CGNL1: variants seen among roughly 807,000 people sequenced by gnomAD.
CGNL1 encodes cingulin like 1.
CGNL1 carries 132 observed loss-of-function variants against 141.2 expected under a neutral mutation model. The observed-to-expected ratio is 0.93, with a 90% CI of 0.81 to 1.08. CGNL1 has a LOEUF of 1.08. CGNL1 is among the 50% of genes least tolerant of loss of function. The pLI, the probability that CGNL1 is intolerant of heterozygous loss-of-function variation, is 0.00. For missense variants in CGNL1, 1,870 were observed against 1,588.6 expected (o/e 1.18, Z -3.01); for synonymous variants, 690 against 622.1 (o/e 1.11, Z -1.63).
chr15:57,517,352 A>G (rs993531479), intron 9 of CGNL1, among the ~76,000 whole-genome samples: 3 of 152,022 alleles, frequency 2.0e-5, no homozygotes, highest in Non-Finnish European at 2.9e-5. Context: ...TTTTTAACTC[A>G]TTGTTGATGT....
At chr15:57,524,207 T>C (rs1323184923) in intron 11 of CGNL1, among the ~76,000 whole-genome samples, 1 of 152,256 alleles carries the variant, frequency 6.6e-6, no homozygotes, top group African/African-American at 2.4e-5. Flanking sequence ...GATAAAATTT[T>C]ATCTGTATCT....
At chr15:57,463,550 C>T (rs1020260192) in intron 8 of CGNL1, among the ~76,000 whole-genome samples, 6 of 152,190 alleles carry the variant, frequency 3.9e-5, no homozygotes, top group South Asian at 2.1e-4. Flanking sequence ...CAAAGGGGTT[C>T]GCCTTAGTAC....
At chr15:57,507,116 C>T (rs1462693631) in intron 8 of CGNL1, among the ~76,000 whole-genome samples, 3 of 152,192 alleles carry the variant, frequency 2.0e-5, no homozygotes, top group Non-Finnish European at 4.4e-5. Context: ...CACTAGTCTA[C>T]TTTCTGTCTG....
chr15:57,542,364 T>G (rs898140796), intron 14 of CGNL1, among the ~76,000 whole-genome samples: 1 of 152,210 alleles, frequency 6.6e-6, no homozygotes, highest in African/African-American at 2.4e-5. Flanking sequence ...CTTAGCTTGA[T>G]TCTTCTGGCT....
intron 1 of CGNL1, among the ~76,000 whole-genome samples, chr15:57,384,760 T>C (rs1377099190): frequency 6.6e-6 from 1 of 152,154 alleles, no homozygotes; most frequent in African/African-American, 2.4e-5. Context: ...GTATACCTGG[T>C]GTCTGGTAGA....
At chr15:57,506,278 C>T (rs1225760907) in intron 8 of CGNL1, among the ~76,000 whole-genome samples, 1 of 152,218 alleles carries the variant, frequency 6.6e-6, no homozygotes, top group Non-Finnish European at 1.5e-5. Flanking sequence ...CCAGCAGCTC[C>T]TTGAAGGCGA....
chr15:57,502,979 G>T (rs377479358), intron 8 of CGNL1, among the ~76,000 whole-genome samples: 8 of 152,194 alleles, frequency 5.3e-5, no homozygotes, highest in Non-Finnish European at 8.8e-5. Flanking sequence ...AGAGGTCCCA[G>T]TGCAGTTGGA....
chr15:57,517,800 C>T (rs1449105582), intron 9 of CGNL1, among the ~76,000 whole-genome samples: 1 of 152,172 alleles, frequency 6.6e-6, no homozygotes, highest in Non-Finnish European at 1.5e-5. Flanking sequence ...GGCCTCATCA[C>T]CCCCTAAAGG....
chr15:57,436,548 G>A (rs1293666788), intron 1 of CGNL1, among the ~76,000 whole-genome samples: 3 of 152,134 alleles, frequency 2.0e-5, no homozygotes, highest in African/African-American at 7.2e-5. Flanking sequence ...TATGTGGGGA[G>A]TCTATTAGTA....
At chr15:57,495,832 A>G (rs2063930144) in intron 8 of CGNL1, among the ~76,000 whole-genome samples, 1 of 152,196 alleles carries the variant, frequency 6.6e-6, no homozygotes, top group Non-Finnish European at 1.5e-5. Context: ...AAATTTTGTT[A>G]ATACCAAGTG....
chr15:57,445,597 T>C (rs544334830), intron 4 of CGNL1, among the ~76,000 whole-genome samples: 12 of 152,314 alleles, frequency 7.9e-5, no homozygotes, highest in African/African-American at 2.9e-4. Context: ...GTTTCTAAAA[T>C]GGATTGTTAT....
chr15:57,428,295 G>T (rs1176999241), intron 1 of CGNL1, among the ~76,000 whole-genome samples: 1 of 152,244 alleles, frequency 6.6e-6, no homozygotes, highest in Admixed American at 6.5e-5. Flanking sequence ...AAGAAAGAGT[G>T]CAGGTCTTAG....
intron 14 of CGNL1, among the ~76,000 whole-genome samples, chr15:57,535,816 G>A (rs1283140928): frequency 6.6e-6 from 1 of 152,192 alleles, no homozygotes; most frequent in Non-Finnish European, 1.5e-5. Context: ...GCGACTGAGA[G>A]GAGGCCTCAA....
chr15:57,403,250 A>G (rs1030838241), intron 1 of CGNL1, among the ~76,000 whole-genome samples: 1 of 152,132 alleles, frequency 6.6e-6, no homozygotes, highest in Non-Finnish European at 1.5e-5. Flanking sequence ...GCCAGGTTGA[A>G]ACGCCCCTCT....
intron 1 of CGNL1, among the ~76,000 whole-genome samples, chr15:57,399,280 G>T (rs917476010): frequency 1.3e-5 from 2 of 152,236 alleles, no homozygotes; most frequent in South Asian, 4.2e-4. Flanking sequence ...CTGTAACTTT[G>T]ACCTGTTCAC....
intron 1 of CGNL1, chr15:57,396,820 G>T (rs2062608106): frequency 6.6e-6 from 1 of 152,142 alleles, no homozygotes; most frequent in Admixed American, 6.5e-5. Flanking sequence ...ATAGCCTATG[G>T]ACTTACCTGG....
chr15:57,462,851 C>T (rs1437734252), intron 8 of CGNL1, among the ~76,000 whole-genome samples: 1 of 152,082 alleles, frequency 6.6e-6, no homozygotes, highest in Non-Finnish European at 1.5e-5. Context: ...TTTTTAAAAG[C>T]CTCTTGTTGA....
intron 4 of CGNL1, among the ~76,000 whole-genome samples, chr15:57,446,390 G>T (rs2063251897): frequency 6.6e-6 from 1 of 151,976 alleles, no homozygotes; most frequent in East Asian, 1.9e-4. Flanking sequence ...TTCCTTCTGG[G>T]GGTGATCATA....
chr15:57,445,695 C>G (rs1410763635), intron 4 of CGNL1, among the ~76,000 whole-genome samples: 2 of 152,174 alleles, frequency 1.3e-5, no homozygotes, highest in East Asian at 1.9e-4. Flanking sequence ...CCAAGTTTAT[C>G]ACACACAACT....
Sources: allele counts gnomAD v4.1 joint callset (sites outside exome capture counted in the v4.1 genomes callset), GRCh38; gene constraint gnomAD v4.1.1; transcripts MANE v1.5; gene names NCBI Gene and HGNC (gene_info 2026-07-23, HGNC 2026-07-21).